FN3K: variants seen among roughly 807,000 people sequenced by gnomAD.
The protein encoded by FN3K is fructosamine 3 kinase, also known as fructosamine-3-kinase.
Under a neutral mutation model 24.8 loss-of-function variants are expected in FN3K, and 24 were observed. That is an observed-to-expected ratio of 0.97 (90% CI 0.70 to 1.36). The LOEUF (loss-of-function observed/expected upper bound fraction) is 1.36, where lower values mean the gene tolerates loss of function less well. FN3K is among the 40% of genes most tolerant of loss of function. The pLI is 0.00. For synonymous variants in FN3K, 192 were observed against 175.2 expected (o/e 1.10, Z -0.76); for missense variants, 449 against 416.7 (o/e 1.08, Z -0.67).
intron 4 of FN3K, 82 bp downstream of exon 4, chr17:82,741,475 A>C: frequency 8.1e-7 from 1 of 1,237,094 alleles, no homozygotes; most frequent in Non-Finnish European, 1.2e-6. Flanking sequence ...CTAATCTCCC[A>C]AGCACCAGCA....
chr17:82,743,321 G>A (rs1399793532), intron 4 of FN3K, among the ~76,000 whole-genome samples: 1 of 152,190 alleles, frequency 6.6e-6, no homozygotes, highest in African/African-American at 2.4e-5. Context: ...GGAGCACAGG[G>A]AGCCCCTCAA....
chr17:82,748,704 G>A (rs1447381587), intron 4 of FN3K, 151 bp from the exon 5 acceptor site: 3 of 1,220,562 alleles, frequency 2.5e-6, no homozygotes, highest in Non-Finnish European at 3.5e-6. Flanking sequence ...CTCTTTACCT[G>A]CCTTCCTCTG....
chr17:82,749,127 T>TC, intron 5 of FN3K, 150 bp downstream of exon 5: 2 of 1,261,850 alleles, frequency 1.6e-6, no homozygotes, highest in Non-Finnish European at 2.2e-6. Context: ...GGGCGGGGGT[T>TC]CCCCCAAAAG....
Position 82,750,543 on chromosome 17 carries a change from G to C in FN3K, c.718G>C (p.Gly240Arg). Residue 240 changes from glycine (G) to arginine (R), a missense_variant, in exon 6 of 6, where the codon GGC becomes CGC. Transcript: ENST00000300784. ...PIIYDPASFY[G>R]HSEFELAIAL... ...TATTTACGACCCGGCTTCCTTCTAT[G>C]GCCATTCCGAGTTTGAACTGGCAAT... 6.2e-7 allele frequency: 1 copy of C among 1,614,138 alleles called. No individual in the cohort carries two copies. The highest frequency in any genetic ancestry group is 8.5e-7 in the Non-Finnish European group (1 of 1,180,018).
At position 82,750,660 on chromosome 17, in the gene FN3K, C is replaced by T. The variant is rs527774710; in HGVS notation, c.835C>T (p.Leu279Phe). 16 of 1,613,966 alleles carry T rather than the reference C, an allele frequency of 9.9e-6. No homozygotes were observed. Among genetic ancestry groups the T allele is most frequent in the Non-Finnish European group, 1.3e-5 (15 of 1,180,000 alleles). The change falls in exon 6 of 6, where the codon CTC becomes TTC. Residue 279 changes from leucine to phenylalanine, a missense_variant. Transcript: ENST00000300784. ...KAPGFDQRLL[L>F]YQLFNYLNHW... ...TCCGGGCTTCGACCAGCGGCTGCTG[C>T]TCTACCAGCTGTTTAACTACCTGAA...
At chr17:82,750,137 G>A (rs1192440317) in intron 5 of FN3K, among the ~76,000 whole-genome samples, 1 of 152,188 alleles carries the variant, frequency 6.6e-6, no homozygotes. Context: ...GTTTGCTAAG[G>A]TAGCGCAACA....
In FN3K at chr17:82,740,709, G is replaced by T. The variant is rs1380214899; in HGVS notation, c.294-54G>T. 6.5e-6 allele frequency: 8 copies of T among 1,221,480 alleles called. No individual in the cohort carries two copies. In the East Asian group the frequency reaches 1.9e-4, roughly 29 times the overall value. The allele number at this position is 1,221,480 out of a possible 1,614,324, so 75.7% of individuals were successfully genotyped here. On this transcript the variant is annotated intron_variant, in intron 2 of 5. Coordinates refer to ENST00000300784, the MANE Select transcript of FN3K (RefSeq NM_022158.4). ...CCTTTCTCAAAATGGAACAAACTGG[G>T]TGGTGTTATTTATTATTTGTTATTT...
intron 5 of FN3K, 132 bp downstream of exon 5, chr17:82,749,109 G>GGGGGCA (rs1568071263): frequency 2.1e-6 from 3 of 1,417,836 alleles, no homozygotes; most frequent in Non-Finnish European, 2.9e-6. Context: ...AGGGAGGAAG[G>GGGGGCA]GGGGCAGGGG....
chr17:82,743,788 G>T (rs2046953642), intron 4 of FN3K, among the ~76,000 whole-genome samples: 1 of 152,248 alleles, frequency 6.6e-6, no homozygotes, highest in African/African-American at 2.4e-5. Context: ...GGGCAGCTGG[G>T]CTTCGACCCT....
intron 1 of FN3K, among the ~76,000 whole-genome samples, chr17:82,737,160 G>A (rs1252100063): frequency 6.6e-6 from 1 of 152,194 alleles, no homozygotes; most frequent in Non-Finnish European, 1.5e-5. Flanking sequence ...CTGTGCCTGG[G>A]CTTTCCCTGG....
At chr17:82,739,837 C>G (rs1451917854) in intron 2 of FN3K, among the ~76,000 whole-genome samples, 1 of 152,178 alleles carries the variant, frequency 6.6e-6, no homozygotes, top group African/African-American at 2.4e-5. Flanking sequence ...CTTGGCCTCC[C>G]AAAGTGTTGG....
intron 5 of FN3K, 35 bp downstream of exon 5, chr17:82,749,012 G>A: frequency 6.2e-7 from 1 of 1,613,774 alleles, no homozygotes. Context: ...GGAAAGAGCT[G>A]GTCCTCTCAT....
At chr17:82,740,714 G>T (rs2046936387) in intron 2 of FN3K, 49 bp from the exon 3 acceptor site, 1 of 1,298,812 alleles carries the variant, frequency 7.7e-7, no homozygotes, top group Non-Finnish European at 1.1e-6. Flanking sequence ...ACTGGGTGGT[G>T]TTATTTATTA....
chr17:82,749,707 A>T (rs966510478), intron 5 of FN3K: 2 of 159,328 alleles, frequency 1.3e-5, no homozygotes, highest in African/African-American at 4.8e-5. Context: ...ATGTTAAAAA[A>T]GAATGTGCAT....
At chr17:82,744,003 A>G (rs1171030546) in intron 4 of FN3K, among the ~76,000 whole-genome samples, 1 of 152,264 alleles carries the variant, frequency 6.6e-6, no homozygotes, top group African/African-American at 2.4e-5. Flanking sequence ...TTCTGGAAAG[A>G]GTACAGAGCT....
At position 82,748,872 on chromosome 17, in the gene FN3K, T is replaced by G. The variant is rs1294219387; in HGVS notation, c.486T>G (p.Asp162Glu). The G allele has an allele frequency of 2.5e-6, 4 of 1,613,078 alleles. No homozygotes were observed. In the East Asian group the frequency reaches 6.7e-5, roughly 27 times the overall value. Residue 162 changes from aspartate to glutamate, a missense_variant, in exon 5 of 6, where the codon GAT becomes GAG. Physicochemically the swap from Asp to Glu is conservative, Grantham distance 45. Transcript: ENST00000300784. ...GFIPQVNEWQDDWPTFFARHR... is the reference protein window; with the variant it reads ...GFIPQVNEWQEDWPTFFARHR... ...TTGTCCAGGTGAATGAGTGGCAGGATGACTGGCCGACCTTTTTCGCCCGGC... is the reference window on the plus strand; with the variant it reads ...TTGTCCAGGTGAATGAGTGGCAGGAGGACTGGCCGACCTTTTTCGCCCGGC...
In FN3K at chr17:82,750,767, C is replaced by G. The variant is rs768031302; in HGVS notation, c.*12C>G. On this transcript the variant is annotated 3_prime_UTR_variant, in exon 6 of 6. Transcript: ENST00000300784. ...GGCTGCTCAAGTAGCGGCCCCTGCCCTCCCTTCCCCTGTCCCCGTCCCCGT... is the reference window on the plus strand; with the variant it reads ...GGCTGCTCAAGTAGCGGCCCCTGCCGTCCCTTCCCCTGTCCCCGTCCCCGT... The G allele has an allele frequency of 6.2e-6, 10 of 1,603,946 alleles. No individual in the cohort carries two copies. Among genetic ancestry groups the G allele is most frequent in the Non-Finnish European group, 6.8e-6 (8 of 1,175,750 alleles).
At chr17:82,736,162 A>C (rs1167512019) in intron 1 of FN3K, 1 of 231,730 alleles carries the variant, frequency 4.3e-6, no homozygotes, top group Non-Finnish European at 8.6e-6. Context: ...CCCACGGGCC[A>C]GGCCAGCGTT....
intron 2 of FN3K, among the ~76,000 whole-genome samples, chr17:82,739,455 A>ATTT (rs527397353): frequency 2.0e-5 from 2 of 100,232 alleles, no homozygotes; most frequent in African/African-American, 7.4e-5. Flanking sequence ...TCACGCAGCT[A>ATTT]TTTTTTTTTT....
Sources: allele counts gnomAD v4.1 joint callset (sites outside exome capture counted in the v4.1 genomes callset), GRCh38; gene constraint gnomAD v4.1.1; transcripts MANE v1.5; gene names NCBI Gene and HGNC (gene_info 2026-07-23, HGNC 2026-07-21).